ENDOV: variants seen among roughly 807,000 people sequenced by gnomAD.
ENDOV encodes hEndoV.
Under a neutral mutation model 39.4 loss-of-function variants are expected in ENDOV, and 37 were observed. That is an observed-to-expected ratio of 0.94 (90% CI 0.72 to 1.23). The LOEUF is 1.23. ENDOV is among the 50% of genes most tolerant of loss of function. ENDOV has a pLI of 0.00. For missense variants in ENDOV, 441 were observed against 375.7 expected, an observed-to-expected ratio of 1.17 and a Z score of -1.44; for synonymous variants, 186 against 163.4, an observed-to-expected ratio of 1.14 and a Z score of -1.05.
rs763696335 is a variant in ENDOV at position 80,429,758 on chromosome 17, C to T, written c.780-15C>T. On this transcript the variant is annotated splice_polypyrimidine_tract_variant and intron_variant, in intron 8 of 9. Coordinates refer to ENST00000518137, the MANE Select transcript of ENDOV (RefSeq NM_173627.5). ...CTAGCATCTGATGCTGTCCCTTTCT[C>T]AATGTCATCACCAGGAGCCCGAAGG... The T allele has an allele frequency of 5.0e-6, 8 of 1,594,004 alleles. No individual in the cohort carries two copies. The South Asian group carries it at 9.1e-5, about 18-fold the overall frequency.
chr17:80,427,760 T>C, intron 7 of ENDOV: 1 of 1,289,340 alleles, frequency 7.8e-7, no homozygotes, highest in Non-Finnish European at 1.0e-6. Flanking sequence ...CCGGGCCGTC[T>C]TGGTGGCCCC....
rs988590265 is a variant in ENDOV at position 80,415,189 on chromosome 17, G to A, written c.-6G>A. 6.2e-6 allele frequency: 10 copies of A among 1,612,934 alleles called. No individual in the cohort carries two copies. In the African/African-American group the frequency reaches 8.0e-5, roughly 13 times the overall value. On this transcript the variant is annotated 5_prime_UTR_variant, in exon 1 of 10. Transcript: ENST00000518137. ...GACGTGCGGAAGGGGTGCCCGGGAC[G>A]AAGCCATGGCCCTGGAGGCGGCGGG...
rs1349726931 is a variant in ENDOV at position 80,425,096 on chromosome 17, G to A, written c.581G>A (p.Gly194Glu). Residue 194 changes from glycine (G) to glutamate (E), a missense_variant, in exon 6 of 10, where the codon GGA becomes GAA. Physicochemically the swap from Gly to Glu is moderately conservative, Grantham distance 98. Transcript: ENST00000518137. Reference protein sequence around the residue: ...PLLGDSGTVLGMALRSHDRST... With the variant: ...PLLGDSGTVLEMALRSHDRST... ...CTGGGAGACTCTGGGACTGTCCTGG[G>A]AATGGTGAGTAGCTAGGGCCCTGAG... 6.2e-7 allele frequency: 1 copy of A among 1,608,540 alleles called. No homozygotes were observed. Among genetic ancestry groups the A allele is most frequent in the South Asian group, 1.1e-5 (1 of 89,778 alleles).
intron 2 of ENDOV, among the ~76,000 whole-genome samples, chr17:80,420,888 G>T (rs952863518): frequency 2.0e-5 from 3 of 152,240 alleles, no homozygotes; most frequent in Non-Finnish European, 4.4e-5. Flanking sequence ...TGTTGGTCAG[G>T]CTGGTCTTGA....
At position 80,429,843 on chromosome 17, in the gene ENDOV, C is replaced by T. The variant is rs918740538; in HGVS notation, c.838+12C>T. The T allele has an allele frequency of 2.2e-5, 36 of 1,612,592 alleles. No individual in the cohort carries two copies. Among genetic ancestry groups the T allele is most frequent in the Non-Finnish European group, 3.1e-5 (36 of 1,179,838 alleles). On this transcript the variant is annotated intron_variant, in intron 9 of 9. Transcript: ENST00000518137. ...CGGAGAGTCCTCAGGTGAGGGCCAG[C>T]CCCCACAGGACCACAGCCCAGGCCC...
chr17:80,419,041 C>T (rs1449027925), intron 2 of ENDOV, among the ~76,000 whole-genome samples: 4 of 151,638 alleles, frequency 2.6e-5, no homozygotes, highest in Non-Finnish European at 2.9e-5. Context: ...GGCATGGTGG[C>T]GGGCACCTGT....
At position 80,430,148 on chromosome 17, in the gene ENDOV, C is replaced by A. The variant is rs1380016959; in HGVS notation, c.838+317C>A. The A allele has an allele frequency of 2.0e-6, 3 of 1,513,950 alleles. No individual in the cohort carries two copies. In the African/African-American group the frequency reaches 4.1e-5, roughly 21 times the overall value. The allele number at this position is 1,513,950 out of a possible 1,614,324, so 93.8% of individuals were successfully genotyped here. A position where few individuals can be genotyped will look rare whatever the true frequency, so the allele number is the denominator to read the frequency against. On this transcript the variant is annotated intron_variant, in intron 9 of 9. Transcript: ENST00000518137. ...GAGGTGACCACGGCCCCTCTTTGCT[C>A]CGTCATCGGCTGGTCAGCTGTGGTC... is the stretch of plus-strand genomic sequence containing the variant.
rs775724476 is a variant in ENDOV at position 80,423,515 on chromosome 17, G to A, written c.404-5G>A. 129 of 1,382,830 alleles carry A rather than the reference G, an allele frequency of 9.3e-5. No individual in the cohort carries two copies. The highest frequency in any genetic ancestry group is 4.3e-4 in the Admixed American group (20 of 46,882). 85.7% of individuals were successfully genotyped at this position (1,382,830 alleles called of 1,614,324 possible). Reference sequence around the variant, plus strand: ...CCCAACCCCACCCTCCTTTCTCTCTGGCAGGCTTTGGGGTGGCCTGCCACC... The same window carrying A: ...CCCAACCCCACCCTCCTTTCTCTCTAGCAGGCTTTGGGGTGGCCTGCCACC... On this transcript the variant is annotated splice_region_variant and splice_polypyrimidine_tract_variant and intron_variant, in intron 4 of 9. Transcript: ENST00000518137.
At chr17:80,427,804 A>G in intron 7 of ENDOV, 1 of 1,288,832 alleles carries the variant, frequency 7.8e-7, no homozygotes, top group Non-Finnish European at 1.0e-6. Flanking sequence ...CCTGGTTGCC[A>G]GGTCCAGGCT....
At position 80,436,537 on chromosome 17, in the gene ENDOV, TTC is replaced by T; in HGVS notation, c.*396_*397del. On this transcript the variant is annotated 3_prime_UTR_variant, in exon 10 of 10. Transcript: ENST00000518137. The stretch of plus-strand genomic sequence containing the variant: ...TGGCCTCTATTGAAAAGATCCTGTG[TTC>T]TTCTGTGAATATGAGGTGTTACATT... The T allele has an allele frequency of 2.5e-6, 1 of 402,592 alleles. No homozygotes were observed. Among genetic ancestry groups the T allele is most frequent in the African/African-American group, 2.1e-5 (1 of 48,080 alleles). The allele number at this position is 402,592 out of a possible 1,614,324, so 24.9% of individuals were successfully genotyped here.
intron 2 of ENDOV, chr17:80,417,855 A>G (rs2081411864): frequency 6.6e-6 from 1 of 152,194 alleles, no homozygotes; most frequent in Non-Finnish European, 1.5e-5. Flanking sequence ...TACGTGTGTG[A>G]ATGGACAGTG....
chr17:80,430,094 C>T (rs752094111), intron 9 of ENDOV: 348 of 1,535,256 alleles, frequency 2.3e-4, no homozygotes, highest in Middle Eastern at 6.7e-4. Flanking sequence ...AGGGGGACGC[C>T]GCAGCACAGC....
chr17:80,415,411 G>T (rs183989957), intron 1 of ENDOV, 161 bp downstream of exon 1: 7 of 1,057,420 alleles, frequency 6.6e-6, no homozygotes. Flanking sequence ...GGGATCTCAG[G>T]AATTGTAGTC....
intron 9 of ENDOV, among the ~76,000 whole-genome samples, chr17:80,435,237 G>A (rs1368273528): frequency 1.3e-5 from 2 of 152,154 alleles, no homozygotes; most frequent in African/African-American, 4.8e-5. Flanking sequence ...TAAATTTGAT[G>A]AAGTCCATCT....
intron 7 of ENDOV, chr17:80,427,893 A>G (rs2082918351): frequency 1.6e-6 from 2 of 1,227,990 alleles, no homozygotes; most frequent in Non-Finnish European, 2.1e-6. Flanking sequence ...CACTTCCCCC[A>G]TGAATGGAAG....
intron 5 of ENDOV, 50 bp downstream of exon 5, chr17:80,423,682 T>C (rs2082338962): frequency 6.6e-7 from 1 of 1,514,772 alleles, no homozygotes; most frequent in South Asian, 1.2e-5. Flanking sequence ...GTGGCGGGGC[T>C]GTGGTGGCCC....
chr17:80,415,348 C>G (rs2080940793), intron 1 of ENDOV, 98 bp downstream of exon 1: 19 of 1,407,400 alleles, frequency 1.4e-5, no homozygotes, highest in South Asian at 9.9e-5. Context: ...GGAATCGGAG[C>G]TGCCACCGCC....
intron 1 of ENDOV, 115 bp downstream of exon 1, chr17:80,415,365 T>A (rs1360184821): frequency 4.6e-6 from 6 of 1,304,694 alleles, no homozygotes; most frequent in Non-Finnish European, 5.3e-6. Context: ...CGCCCGAGAC[T>A]CCAAAGCAAA....
chr17:80,437,804 G>A lies in ENDOV; in HGVS notation c.*1661G>A, dbSNP rs1200226541. 1 of 152,214 alleles carries A rather than the reference G, an allele frequency of 6.6e-6. No homozygotes were observed. The highest frequency in any genetic ancestry group is 1.5e-5 in the Non-Finnish European group (1 of 68,032). The allele number at this position is 152,214 out of a possible 1,614,324, so 9.4% of individuals were successfully genotyped here. On this transcript the variant is annotated 3_prime_UTR_variant, in exon 10 of 10. Transcript: ENST00000518137. ...CTGGTCCTTGGCTTTTCGTGCACAT[G>A]AGAAAATGTTGGCCAAGGTTAGCGA...
Sources: allele counts gnomAD v4.1 joint callset (sites outside exome capture counted in the v4.1 genomes callset), GRCh38; gene constraint gnomAD v4.1.1; transcripts MANE v1.5; gene names NCBI Gene and HGNC (gene_info 2026-07-23, HGNC 2026-07-21).